The following GLIS1 variants were observed in gnomAD, a reference collection of about 807,000 sequenced individuals.
The protein encoded by GLIS1 is zinc finger protein GLIS1.
In GLIS1, 24 loss-of-function variants were observed where a neutral mutation model predicts 63.8. The observed-to-expected ratio is 0.38, with a 90% CI of 0.27 to 0.53. GLIS1 has a LOEUF of 0.53. Ranked by LOEUF, GLIS1 falls within the 20% of genes least tolerant of loss-of-function variation. The pLI is 0.85. For missense variants in GLIS1, 1,036 were observed against 1,074.1 expected (o/e 0.96, Z 0.50); for synonymous variants, 450 against 482.5 (o/e 0.93, Z 0.88).
rs1389185484 is a variant in GLIS1 at position 53,709,419 on chromosome 1, C to CATATATAT, written c.259+28386_259+28387insATATATAT. On this transcript the variant is annotated intron_variant, in intron 2 of 10. Transcript: ENST00000628545. ...ACATATACATATATATATACACACA[C>CATATATAT]ACACACACACACACACACACACACT... Among the ~76,000 whole-genome samples, 257 of 124,148 alleles carry CATATATAT rather than the reference C, an allele frequency of 2.1e-3. 6 individuals are homozygous for CATATATAT. The highest frequency in any genetic ancestry group is 7.6e-3 in the South Asian group (27 of 3,570). 81.4% of individuals were successfully genotyped at this position (124,148 alleles called of 152,430 possible).
chr1:53,531,327 C>T (rs980186242), intron 4 of GLIS1, among the ~76,000 whole-genome samples: 2 of 152,200 alleles, frequency 1.3e-5, no homozygotes, highest in African/African-American at 2.4e-5. Flanking sequence ...AGCAGGTGGC[C>T]AAGGATGAGC....
chr1:53,649,512 A>G (rs1369329457), intron 2 of GLIS1, among the ~76,000 whole-genome samples: 1 of 152,208 alleles, frequency 6.6e-6, no homozygotes, highest in African/African-American at 2.4e-5. Flanking sequence ...TGTTTAGTGC[A>G]ATACTGTAAA....
chr1:53,666,993 TA>T (rs1403628786), intron 2 of GLIS1, among the ~76,000 whole-genome samples: 2 of 152,236 alleles, frequency 1.3e-5, no homozygotes. Context: ...TGCTCATCCC[TA>T]CACTACTTCA....
At chr1:53,668,502 T>C (rs928850668) in intron 2 of GLIS1, among the ~76,000 whole-genome samples, 5 of 152,120 alleles carry the variant, frequency 3.3e-5, no homozygotes, top group Non-Finnish European at 5.9e-5. Flanking sequence ...GCTGAGACTA[T>C]AGGTGCACGC....
intron 4 of GLIS1, among the ~76,000 whole-genome samples, chr1:53,577,115 C>G (rs370159953): frequency 6.6e-6 from 1 of 151,020 alleles, no homozygotes; most frequent in East Asian, 2.0e-4. Flanking sequence ...ATCTCACAGG[C>G]TAGCTCCTCC....
intron 2 of GLIS1, among the ~76,000 whole-genome samples, chr1:53,657,946 T>C (rs571268574): frequency 8.2e-4 from 125 of 152,226 alleles, no homozygotes; most frequent in African/African-American, 2.6e-3. Flanking sequence ...GCCTGGGCTC[T>C]CAACTTCCTG....
intron 2 of GLIS1, among the ~76,000 whole-genome samples, chr1:53,641,673 A>G (rs2100291241): frequency 6.6e-6 from 1 of 152,174 alleles, no homozygotes; most frequent in South Asian, 2.1e-4. Context: ...ATAAACAAGG[A>G]CAAGTAGGTG....
intron 4 of GLIS1, among the ~76,000 whole-genome samples, chr1:53,567,010 AAC>A (rs1644941907): frequency 6.6e-6 from 1 of 152,236 alleles, no homozygotes; most frequent in African/African-American, 2.4e-5. Flanking sequence ...GGAACTGGGT[AAC>A]AGGCAGAAGT....
chr1:53,582,282 G>A (rs1239014812), intron 4 of GLIS1, among the ~76,000 whole-genome samples: 2 of 152,190 alleles, frequency 1.3e-5, no homozygotes, highest in African/African-American at 2.4e-5. Flanking sequence ...CACAAGCCAG[G>A]CTTCCTCTGA....
intron 2 of GLIS1, among the ~76,000 whole-genome samples, chr1:53,680,802 C>T (rs962346247): frequency 6.6e-6 from 1 of 152,134 alleles, no homozygotes; most frequent in Non-Finnish European, 1.5e-5. Context: ...TACTAAGCAG[C>T]AGGAATAAAA....
chr1:53,707,901 A>G (rs1336539488), intron 2 of GLIS1, among the ~76,000 whole-genome samples: 1 of 151,920 alleles, frequency 6.6e-6, no homozygotes, highest in Non-Finnish European at 1.5e-5. Context: ...GCACTCGTGT[A>G]CCCCTAGTGT....
At chr1:53,658,098 A>G (rs940418987) in intron 2 of GLIS1, among the ~76,000 whole-genome samples, 1 of 152,052 alleles carries the variant, frequency 6.6e-6, no homozygotes, top group Non-Finnish European at 1.5e-5. Context: ...CCCCAGATGG[A>G]GCACACTCTT....
At chr1:53,689,283 G>C (rs1294917226) in intron 2 of GLIS1, among the ~76,000 whole-genome samples, 1 of 152,218 alleles carries the variant, frequency 6.6e-6, no homozygotes, top group Non-Finnish European at 1.5e-5. Flanking sequence ...AGCCCAGTCA[G>C]AGGGAAGGAG....
intron 2 of GLIS1, among the ~76,000 whole-genome samples, chr1:53,633,373 TGA>T (rs1374937193): frequency 6.8e-6 from 1 of 147,244 alleles, no homozygotes; most frequent in African/African-American, 2.6e-5. Flanking sequence ...TGAATGAGTG[TGA>T]CTGAGGGGCT....
chr1:53,539,280 T>TCACACACA lies in GLIS1; in HGVS notation c.1321-9336_1321-9329dup, dbSNP rs71722107. Among the ~76,000 whole-genome samples the TCACACACA allele has an allele frequency of 0.026, 3,784 of 148,044 alleles. 141 individuals carry two copies. The highest frequency in any genetic ancestry group is 0.088 in the African/African-American group (3,478 of 39,676). ...CACACACCAAGACCCAGAAACTCCC[T>TCACACACA]CACACACACACACACACACTACACC... On this transcript the variant is annotated intron_variant, in intron 4 of 10. Coordinates refer to ENST00000628545, the MANE Select transcript of GLIS1 (RefSeq NM_001367484.1). The surrounding 1 kb of genome is among the most constrained non-coding windows in gnomAD (Gnocchi z 5.0).
rs766894332 is a variant in GLIS1 at position 53,594,315 on chromosome 1, C to A, written c.1113G>T (p.Ala371=). ...LAGRVVAGRQ[A]CRWVDCCAAY... ...CTGCACAGCAGTCCACCCAGCGGCACGCCTGCCGCCCGGCCACCACCCTGC... is the reference window on the plus strand; with the variant it reads ...CTGCACAGCAGTCCACCCAGCGGCAAGCCTGCCGCCCGGCCACCACCCTGC... The change falls in exon 4 of 11, where the codon GCG becomes GCT. Residue 371 remains alanine (A), a synonymous_variant. Coordinates refer to ENST00000628545, the MANE Select transcript of GLIS1 (RefSeq NM_001367484.1). The A allele has an allele frequency of 1.3e-5, 21 of 1,612,064 alleles. 1 individual carries two copies. The South Asian group carries it at 2.0e-4, about 15-fold the overall frequency.
intron 2 of GLIS1, among the ~76,000 whole-genome samples, chr1:53,640,581 T>A (rs1336065404): frequency 1.3e-5 from 2 of 152,272 alleles, no homozygotes; most frequent in East Asian, 3.9e-4. Context: ...GCAGCAGCCA[T>A]CCACTGAGCA....
At chr1:53,701,998 GAAAAAAAA>G (rs919008620) in intron 2 of GLIS1, among the ~76,000 whole-genome samples, 13 of 56,308 alleles carry the variant, frequency 2.3e-4, no homozygotes, top group South Asian at 1.5e-3. Flanking sequence ...ACCTAAAAAA[GAAAAAAAA>G]AAAAAAAAAA....
rs576994470 is a variant in GLIS1, at chr1:53,633,157, T to C, written c.260-32879A>G. On this transcript the variant is annotated intron_variant, in intron 2 of 10. Transcript: ENST00000628545. ...TATGTGTGACTGAGGGGCGTGTGTA[T>C]GAGTGTGACCGAGGGGCATGTGAAT... 4.9e-5 allele frequency among the ~76,000 whole-genome samples: 7 copies of C among 143,472 alleles called. No homozygotes were observed. The South Asian group carries it at 1.6e-3, about 33-fold the overall frequency. The allele number at this position is 143,472 out of a possible 152,430, so 94.1% of individuals were successfully genotyped here.
Sources: allele counts gnomAD v4.1 joint callset (sites outside exome capture counted in the v4.1 genomes callset), GRCh38; gene constraint gnomAD v4.1.1; non-coding constraint Gnocchi (gnomAD v3.1); transcripts MANE v1.5; gene names NCBI Gene and HGNC (gene_info 2026-07-23, HGNC 2026-07-21).